LHFPL3: variants seen among roughly 807,000 people sequenced by gnomAD.
LHFPL3 encodes LHFPL tetraspan subfamily member 3.
Under a neutral mutation model 19.3 loss-of-function variants are expected in LHFPL3, and 5 were observed. The observed-to-expected ratio is 0.26, with a 90% CI of 0.14 to 0.54. The LOEUF (loss-of-function observed/expected upper bound fraction) is 0.54, where lower values mean the gene tolerates loss of function less well. Ranked by LOEUF, LHFPL3 falls within the 20% of genes least tolerant of loss-of-function variation. The pLI, the probability that LHFPL3 is intolerant of heterozygous loss-of-function variation, is 0.94. For synonymous variants in LHFPL3, 133 were observed against 126.2 expected (o/e 1.05, Z -0.36); for missense variants, 249 against 307.4 (o/e 0.81, Z 1.42).
chr7:104,603,232 G>A (rs1298457222), intron 1 of LHFPL3, among the ~76,000 whole-genome samples: 4 of 139,490 alleles, frequency 2.9e-5, no homozygotes, highest in Non-Finnish European at 4.6e-5. Context: ...GTCTTGCTTT[G>A]TTGCCCCAGC....
intron 1 of LHFPL3, among the ~76,000 whole-genome samples, chr7:104,588,706 G>T (rs1790639321): frequency 6.6e-6 from 1 of 152,274 alleles, no homozygotes; most frequent in Admixed American, 6.5e-5. Flanking sequence ...ATTACCTTGG[G>T]CAGTATGGCC....
At chr7:104,562,500 C>T (rs1436803875) in intron 1 of LHFPL3, among the ~76,000 whole-genome samples, 3 of 152,208 alleles carry the variant, frequency 2.0e-5, no homozygotes. Flanking sequence ...CTGCATTCTT[C>T]ACGTAGTTCT....
intron 2 of LHFPL3, among the ~76,000 whole-genome samples, chr7:104,868,070 G>T (rs940274607): frequency 7.2e-5 from 11 of 152,030 alleles, no homozygotes; most frequent in Non-Finnish European, 1.2e-4. Context: ...GTATTGATGG[G>T]ATGTATCTCA....
At chr7:104,407,369 C>T (rs746492060) in intron 1 of LHFPL3, among the ~76,000 whole-genome samples, 1 of 152,092 alleles carries the variant, frequency 6.6e-6, no homozygotes, top group Non-Finnish European at 1.5e-5. Context: ...TTTAAGAGAA[C>T]CTTCTGGCTG....
chr7:104,558,716 G>C (rs1397471268), intron 1 of LHFPL3, among the ~76,000 whole-genome samples: 2 of 150,436 alleles, frequency 1.3e-5, no homozygotes, highest in Non-Finnish European at 2.9e-5. Context: ...GGCTTTTGTT[G>C]CCATTGCTTT....
rs71786184 is a variant in LHFPL3 at position 104,403,725 on chromosome 7, T to TTCTCTCTCTCTC, written c.445+74524_445+74535dup. Among the ~76,000 whole-genome samples, 271 of 143,700 alleles carry TTCTCTCTCTCTC rather than the reference T, an allele frequency of 1.9e-3. 1 individual carries two copies. The highest frequency in any genetic ancestry group is 6.8e-3 in the African/African-American group (260 of 38,158). The allele number at this position is 143,700 out of a possible 152,430, so 94.3% of individuals were successfully genotyped here. On this transcript the variant is annotated intron_variant, in intron 1 of 2. Coordinates refer to ENST00000424859, the MANE Select transcript of LHFPL3 (RefSeq NM_199000.3). ...AATCTAATCATGTCCTTAGTGAACA[T>TTCTCTCTCTCTC]TCTCTCTCTCTCTCTCTCTCTCTCT...
intron 1 of LHFPL3, among the ~76,000 whole-genome samples, chr7:104,681,364 C>T (rs1280963955): frequency 6.6e-6 from 1 of 152,100 alleles, no homozygotes; most frequent in African/African-American, 2.4e-5. Context: ...GTGGCTCACG[C>T]CTGTAATCCC....
rs149586295 is a variant in LHFPL3 at position 104,741,328 on chromosome 7, T to C, written c.682+4417T>C. The stretch of plus-strand genomic sequence containing the variant: ...AATTTTAACATACTTAAAAAGTACA[T>C]TAAAAATGTACTTTCATGAAACAGA... On this transcript the variant is annotated intron_variant, in intron 2 of 2. Coordinates refer to ENST00000424859, the MANE Select transcript of LHFPL3 (RefSeq NM_199000.3). Among the ~76,000 whole-genome samples the C allele has an allele frequency of 5.5e-3, 832 of 152,134 alleles. 5 individuals carry two copies. Among genetic ancestry groups the C allele is most frequent in the African/African-American group, 0.019 (783 of 41,496 alleles).
chr7:104,458,476 C>T (rs952169530), intron 1 of LHFPL3, among the ~76,000 whole-genome samples: 74 of 152,124 alleles, frequency 4.9e-4, no homozygotes, highest in African/African-American at 1.1e-3. Flanking sequence ...TTGATCTATA[C>T]CTCTGTTTTG....
At chr7:104,708,643 T>C (rs1002501788) in intron 1 of LHFPL3, among the ~76,000 whole-genome samples, 2 of 152,130 alleles carry the variant, frequency 1.3e-5, no homozygotes, top group Non-Finnish European at 2.9e-5. Context: ...AGCCATGTCC[T>C]CCCCACTACA....
At position 104,736,787 on chromosome 7, in the gene LHFPL3, C is replaced by A. The variant is rs1266797814; in HGVS notation, c.558C>A (p.Val186=). ...TDKYTLGACS[V]RWAYILAIIG... ...AGTACACTCTTGGGGCTTGCTCAGT[C>A]CGCTGGGCATACATCCTGGCTATTA... The change falls in exon 2 of 3, where the codon GTC becomes GTA. Residue 186 remains valine (V), a synonymous_variant. Transcript: ENST00000424859. The A allele has an allele frequency of 3.1e-6, 5 of 1,613,448 alleles. No homozygotes were observed. The highest frequency in any genetic ancestry group is 1.6e-4 in the Middle Eastern group (1 of 6,084).
chr7:104,581,168 C>A (rs1383900260), intron 1 of LHFPL3, among the ~76,000 whole-genome samples: 1 of 151,940 alleles, frequency 6.6e-6, no homozygotes, highest in African/African-American at 2.4e-5. Context: ...TTCCAGTTGC[C>A]CCACATCTTT....
chr7:104,559,697 G>A (rs57226290), intron 1 of LHFPL3, among the ~76,000 whole-genome samples: 9,912 of 151,842 alleles, frequency 0.065, 495 homozygotes, highest in African/African-American at 0.15. Flanking sequence ...AATTGCCCTG[G>A]CCAGAACTTC....
chr7:104,370,732 A>G (rs546460674), intron 1 of LHFPL3, among the ~76,000 whole-genome samples: 1 of 152,166 alleles, frequency 6.6e-6, no homozygotes, highest in African/African-American at 2.4e-5. Flanking sequence ...AATACAAAAA[A>G]TTAGCTGGGT....
chr7:104,762,727 C>A (rs932659743), intron 2 of LHFPL3, among the ~76,000 whole-genome samples: 4 of 152,182 alleles, frequency 2.6e-5, no homozygotes, highest in Non-Finnish European at 5.9e-5. Flanking sequence ...TTAATCCCCA[C>A]AAATTTGTAT....
chr7:104,528,957 A>C (rs1794241392), intron 1 of LHFPL3, among the ~76,000 whole-genome samples: 1 of 152,174 alleles, frequency 6.6e-6, no homozygotes, highest in Admixed American at 6.6e-5. Context: ...GGTCACTTTT[A>C]TGCATGGCTT....
At chr7:104,722,295 T>C (rs571578521) in intron 1 of LHFPL3, among the ~76,000 whole-genome samples, 1 of 152,306 alleles carries the variant, frequency 6.6e-6, no homozygotes, top group Non-Finnish European at 1.5e-5. Flanking sequence ...TTGAACAAAC[T>C]GGAGCTACGT....
intron 2 of LHFPL3, among the ~76,000 whole-genome samples, chr7:104,841,181 T>C (rs967833498): frequency 3.9e-5 from 6 of 152,222 alleles, no homozygotes; most frequent in African/African-American, 9.6e-5. Context: ...TCCCATCTTA[T>C]AGAAAAATGC....
intron 1 of LHFPL3, among the ~76,000 whole-genome samples, chr7:104,406,227 C>T (rs1345632699): frequency 6.6e-6 from 1 of 152,194 alleles, no homozygotes; most frequent in Admixed American, 6.5e-5. Flanking sequence ...GCTCCAGGTA[C>T]ATTCCTGTTT....
Sources: gnomAD v4.1 joint callset for allele counts (sites outside exome capture counted in the v4.1 genomes callset) on GRCh38, gnomAD v4.1.1 for gene constraint, MANE v1.5 for transcripts, NCBI Gene and HGNC (gene_info 2026-07-23, HGNC 2026-07-21) for gene names.